Variants in NDUFAF6 observed in about 807,000 individuals in gnomAD.
NDUFAF6 encodes NADH dehydrogenase (ubiquinone) complex I, assembly factor 6.
A neutral mutation model predicts 40.8 loss-of-function variants in NDUFAF6; 45 were observed. The observed-to-expected ratio is 1.10, with a 90% CI of 0.87 to 1.42. The LOEUF (loss-of-function observed/expected upper bound fraction) is 1.42. Among genes scored for constraint, NDUFAF6 ranks in the 40% most tolerant of loss-of-function variants. NDUFAF6 has a pLI of 0.00. For synonymous variants in NDUFAF6, 185 were observed against 155.9 expected, an observed-to-expected ratio of 1.19 and a Z score of -1.39; for missense variants, 435 against 418.5, an observed-to-expected ratio of 1.04 and a Z score of -0.34.
At chr8:94,930,523 C>G in intron 1 of NDUFAF6, 2 of 1,614,186 alleles carry the variant, frequency 1.2e-6, no homozygotes, top group Non-Finnish European at 1.7e-6. Flanking sequence ...ACAACCCAGC[C>G]ATTGTGCTTG....
downstream of NDUFAF6, among the ~76,000 whole-genome samples, chr8:95,105,267 G>T (rs1809801750): frequency 6.6e-6 from 1 of 152,178 alleles, no homozygotes; most frequent in African/African-American, 2.4e-5. Context: ...CAAGACAGCT[G>T]GCCATGCCTG....
chr8:95,089,344 A>T (rs550713154), intron 2 of NDUFAF6, among the ~76,000 whole-genome samples: 1 of 152,258 alleles, frequency 6.6e-6, no homozygotes, highest in African/African-American at 2.4e-5. Context: ...TAGTGCTGGG[A>T]TTACAGGTGT....
rs116509128 is a variant in NDUFAF6, at chr8:94,986,250, G to A, written c.-84+5277G>A. Reference sequence around the variant, plus strand: ...TTTTATGGAAAAAATAGGGTCAAGGGCAGACCACTCAAAACATTAAGAAGT... The same window carrying A: ...TTTTATGGAAAAAATAGGGTCAAGGACAGACCACTCAAAACATTAAGAAGT... On this transcript the variant is annotated intron_variant, in intron 2 of 9. Transcript: ENST00000396111. Among the ~76,000 whole-genome samples, 1,515 of 152,262 alleles carry A rather than the reference G, an allele frequency of 9.9e-3. 28 individuals carry two copies. Among genetic ancestry groups the A allele is most frequent in the African/African-American group, 0.035 (1,443 of 41,520 alleles).
chr8:95,017,028 G>A (rs955325631), intron 2 of NDUFAF6, among the ~76,000 whole-genome samples: 10 of 150,588 alleles, frequency 6.6e-5, no homozygotes, highest in Middle Eastern at 3.5e-3. Context: ...CAACTTCTGG[G>A]CTCAAGTGAT....
At chr8:94,974,530 C>T (rs553378280) in intron 1 of NDUFAF6, 2 of 152,302 alleles carry the variant, frequency 1.3e-5, no homozygotes, top group African/African-American at 2.4e-5. Context: ...ATATTATAGC[C>T]GTTTGTTTCA....
At chr8:94,999,051 A>C (rs1291067480) in intron 2 of NDUFAF6, among the ~76,000 whole-genome samples, 2 of 152,138 alleles carry the variant, frequency 1.3e-5, no homozygotes. Flanking sequence ...TGTGTAAAAC[A>C]GACATAAAAT....
chr8:95,045,356 T>G (rs1830617371), intron 4 of NDUFAF6, among the ~76,000 whole-genome samples, 189 bp from the exon 5 acceptor site: 1 of 152,206 alleles, frequency 6.6e-6, no homozygotes, highest in Non-Finnish European at 1.5e-5. Flanking sequence ...TGTCTTATTT[T>G]GAGGTGGTGA....
chr8:95,077,013 A>G (rs1808650092), downstream of NDUFAF6, among the ~76,000 whole-genome samples: 1 of 152,230 alleles, frequency 6.6e-6, no homozygotes, highest in Admixed American at 6.5e-5. Context: ...AGTGGGCCCT[A>G]ATCCACTATA....
intron 2 of NDUFAF6, among the ~76,000 whole-genome samples, chr8:94,946,721 G>A (rs201485399): frequency 0.033 from 1,058 of 31,708 alleles, no homozygotes; most frequent in Non-Finnish European, 0.05. Context: ...AAAAAAAAAA[G>A]ACAGGCCCTG....
downstream of NDUFAF6, among the ~76,000 whole-genome samples, chr8:95,079,487 C>T (rs1047374624): frequency 1.3e-5 from 2 of 152,010 alleles, no homozygotes; most frequent in African/African-American, 4.8e-5. Flanking sequence ...TTTTGGTTTT[C>T]TTTTAGTTTC....
downstream of NDUFAF6, among the ~76,000 whole-genome samples, chr8:95,106,979 A>G (rs905610522): frequency 6.6e-6 from 1 of 152,238 alleles, no homozygotes; most frequent in Non-Finnish European, 1.5e-5. Context: ...AAAAGTCAGG[A>G]AACAACAGAT....
intron 1 of NDUFAF6, among the ~76,000 whole-genome samples, chr8:94,899,610 G>A (rs961436398): frequency 1.3e-5 from 2 of 152,208 alleles, no homozygotes; most frequent in African/African-American, 4.8e-5. Context: ...AGTAGAGTCT[G>A]ACTCCAGCTC....
In NDUFAF6 at chr8:95,053,952, T is replaced by TTG. The variant is rs1554681590; in HGVS notation, c.873+1722_873+1723insTG. Among the ~76,000 whole-genome samples, 15 of 137,006 alleles carry TTG rather than the reference T, an allele frequency of 1.1e-4. 1 individual carries two copies. Among genetic ancestry groups the TTG allele is most frequent in the East Asian group, 6.3e-4 (3 of 4,758 alleles). 89.9% of individuals were successfully genotyped at this position (137,006 alleles called of 152,430 possible). ...TTTTTTTTTTTTTTTTTTTTTTTTT[T>TTG]GAGACAAAATCTCACTCTGTTGCCC... On this transcript the variant is annotated intron_variant, in intron 8 of 8. Transcript: ENST00000396124.
chr8:94,906,905 C>G (rs571812637), intron 1 of NDUFAF6, among the ~76,000 whole-genome samples: 1 of 152,188 alleles, frequency 6.6e-6, no homozygotes, highest in Non-Finnish European at 1.5e-5. Flanking sequence ...GTGTCTCCCA[C>G]TAGAAGTTCT....
chr8:94,980,287 T>A (rs1256560150), intron 1 of NDUFAF6, among the ~76,000 whole-genome samples: 1 of 151,164 alleles, frequency 6.6e-6, no homozygotes, highest in Non-Finnish European at 1.5e-5. Context: ...TCATGTTAAA[T>A]GAGTTTAGTC....
chr8:94,942,551 G>A (rs565174343), intron 1 of NDUFAF6, among the ~76,000 whole-genome samples: 176 of 152,268 alleles, frequency 1.2e-3, no homozygotes, highest in Non-Finnish European at 2.2e-3. Flanking sequence ...AAAATACTTC[G>A]AATAAAGTCC....
intron 2 of NDUFAF6, among the ~76,000 whole-genome samples, chr8:95,084,586 G>A (rs1369946662): frequency 3.9e-5 from 6 of 152,138 alleles, no homozygotes; most frequent in African/African-American, 4.8e-5. Context: ...ACACATTGGC[G>A]TCACTTTCCA....
chr8:95,088,047 A>T (rs546125649), intron 2 of NDUFAF6: 1 of 152,458 alleles, frequency 6.6e-6, no homozygotes, highest in South Asian at 2.1e-4. Flanking sequence ...GACCCTGCGG[A>T]TGCCATGCTG....
rs115027137 is a variant in NDUFAF6 at position 94,982,417 on chromosome 8, A to G, written c.-84+1444A>G. Among the ~76,000 whole-genome samples, 1,514 of 152,306 alleles carry G rather than the reference A, an allele frequency of 9.9e-3. 26 individuals are homozygous for G. The highest frequency in any genetic ancestry group is 0.035 in the African/African-American group (1,443 of 41,554). On this transcript the variant is annotated intron_variant, in intron 2 of 9. Coordinates refer to the NDUFAF6 transcript ENST00000396111. ...CTAAGCCATCTAGGTTTGTGTAGGT[A>G]TACTCTATGATATTTGAACAATGAC...
Sources: allele counts gnomAD v4.1 joint callset (sites outside exome capture counted in the v4.1 genomes callset), GRCh38; gene constraint gnomAD v4.1.1; transcripts MANE v1.5; gene names NCBI Gene and HGNC (gene_info 2026-07-23, HGNC 2026-07-21).